The following LPP variants were observed in gnomAD, a reference collection of about 807,000 sequenced individuals.
LPP encodes lipoma-preferred partner.
A neutral mutation model predicts 60.4 loss-of-function variants in LPP; 38 were observed. The ratio of observed to expected loss-of-function variants is 0.63; its 90% CI spans 0.49 to 0.83. LPP has a LOEUF of 0.83. LPP is among the 40% of genes least tolerant of loss of function. The probability of loss-of-function intolerance (pLI) is 0.00; values close to 1 mark genes in which losing one functional copy is unlikely to be tolerated. For missense variants in LPP, 902 were observed against 783.6 expected, an observed-to-expected ratio of 1.15 and a Z score of -1.80; for synonymous variants, 328 against 290.8, an observed-to-expected ratio of 1.13 and a Z score of -1.30.
rs375725922 is a variant in LPP, at chr3:188,239,156, C to T, written c.-67+13629C>T. 2.7e-4 allele frequency among the ~76,000 whole-genome samples: 41 copies of T among 152,354 alleles called. No individual in the cohort carries two copies. In the South Asian group the frequency reaches 8.5e-3, roughly 32 times the overall value. On this transcript the variant is annotated intron_variant, in intron 2 of 11. Coordinates refer to ENST00000617246, the MANE Select transcript of LPP (RefSeq NM_001375462.1). The stretch of plus-strand genomic sequence containing the variant: ...GTTGCCGTGGGGTTTCCCTCCATGG[C>T]AGAGGGCTCTCCACTCCGTTTCTCT...
At chr3:188,357,756 A>G (rs1768036957) in intron 3 of LPP, among the ~76,000 whole-genome samples, 1 of 152,218 alleles carries the variant, frequency 6.6e-6, no homozygotes, top group Non-Finnish European at 1.5e-5. Context: ...ATAGAATAGT[A>G]TAATAAATCA....
chr3:188,757,889 G>GTTTTTTTTTTTTTTTTTTTT (rs750488243), intron 8 of LPP, among the ~76,000 whole-genome samples: 22 of 78,710 alleles, frequency 2.8e-4, no homozygotes, highest in African/African-American at 7.2e-4. Flanking sequence ...TGTTTTTTTG[G>GTTTTTTTTTTTTTTTTTTTT]TTTTTTTTTT....
chr3:188,225,710 A>G (rs1717491597), intron 2 of LPP, among the ~76,000 whole-genome samples, 183 bp downstream of exon 2: 1 of 152,226 alleles, frequency 6.6e-6, no homozygotes, highest in Non-Finnish European at 1.5e-5. Flanking sequence ...GGCAATAGAC[A>G]ATATATAACC....
chr3:188,389,203 G>A (rs1003916270), intron 3 of LPP, among the ~76,000 whole-genome samples: 1 of 151,956 alleles, frequency 6.6e-6, no homozygotes, highest in East Asian at 1.9e-4. Context: ...ATTATAGGTA[G>A]AGTTAATTTA....
intron 7 of LPP, among the ~76,000 whole-genome samples, chr3:188,628,236 A>C (rs1046556342): frequency 6.6e-6 from 1 of 152,146 alleles, no homozygotes; most frequent in Non-Finnish European, 1.5e-5. Flanking sequence ...AGAAGAAAAT[A>C]AATAGTTAAA....
chr3:188,482,085 A>G (rs1465060578), intron 4 of LPP, among the ~76,000 whole-genome samples: 3 of 152,080 alleles, frequency 2.0e-5, no homozygotes, highest in East Asian at 1.9e-4. Flanking sequence ...TTAAACTTAT[A>G]TGGCAGTTCC....
chr3:188,278,704 A>C (rs1245129807), intron 2 of LPP, among the ~76,000 whole-genome samples: 1 of 152,030 alleles, frequency 6.6e-6, no homozygotes, highest in Non-Finnish European at 1.5e-5. Flanking sequence ...ATTATAATAC[A>C]ATACGTTATA....
chr3:188,310,643 A>T (rs1383248240), intron 2 of LPP, among the ~76,000 whole-genome samples: 1 of 152,180 alleles, frequency 6.6e-6, no homozygotes, highest in Non-Finnish European at 1.5e-5. Context: ...ACTGTGAAAT[A>T]TGTGAGTTGA....
intron 1 of LPP, among the ~76,000 whole-genome samples, chr3:188,224,925 A>G (rs965657236): frequency 6.6e-6 from 1 of 152,104 alleles, no homozygotes; most frequent in Non-Finnish European, 1.5e-5. Flanking sequence ...TCCAAATGAT[A>G]TCAAGGACGG....
At chr3:188,265,146 A>C (rs1400736176) in intron 2 of LPP, among the ~76,000 whole-genome samples, 2 of 152,202 alleles carry the variant, frequency 1.3e-5, no homozygotes, top group Non-Finnish European at 2.9e-5. Context: ...GTTTAGCACG[A>C]ATTAAATTCC....
At chr3:188,171,405 C>T (rs1210581192) in intron 1 of LPP, among the ~76,000 whole-genome samples, 1 of 152,130 alleles carries the variant, frequency 6.6e-6, no homozygotes, top group Admixed American at 6.6e-5. Context: ...TTGTCTACAC[C>T]CTCAATGCTG....
At chr3:188,623,383 G>A (rs1846187278) in intron 7 of LPP, among the ~76,000 whole-genome samples, 1 of 151,430 alleles carries the variant, frequency 6.6e-6, no homozygotes, top group Admixed American at 6.6e-5. Context: ...TCAGCCTCCA[G>A]AGTAGGTGGG....
At chr3:188,548,167 G>T (rs1452165886) in intron 6 of LPP, among the ~76,000 whole-genome samples, 1 of 152,180 alleles carries the variant, frequency 6.6e-6, no homozygotes, top group African/African-American at 2.4e-5. Flanking sequence ...TGGTGAAGGC[G>T]ATATGGTGTG....
intron 8 of LPP, among the ~76,000 whole-genome samples, chr3:188,752,044 G>C (rs950872643): frequency 1.3e-5 from 2 of 152,152 alleles, no homozygotes; most frequent in African/African-American, 4.8e-5. Context: ...TTCTGTTCTA[G>C]TTGTTATGAG....
At chr3:188,828,198 A>G (rs1359419047) in intron 9 of LPP, among the ~76,000 whole-genome samples, 1 of 152,146 alleles carries the variant, frequency 6.6e-6, no homozygotes, top group Non-Finnish European at 1.5e-5. Context: ...CAAATTATAT[A>G]GAATATTGGA....
chr3:188,527,162 C>T (rs1369438561), intron 6 of LPP, among the ~76,000 whole-genome samples: 1 of 151,860 alleles, frequency 6.6e-6, no homozygotes, highest in Non-Finnish European at 1.5e-5. Context: ...CCAGCCTGGC[C>T]AACATGGTGA....
chr3:188,825,911 T>C (rs746894479), intron 9 of LPP, among the ~76,000 whole-genome samples: 3 of 152,104 alleles, frequency 2.0e-5, no homozygotes, highest in Non-Finnish European at 4.4e-5. Context: ...CGTTTTTTTC[T>C]CCGTGTGCCA....
chr3:188,845,426 G>A (rs189221673), intron 9 of LPP, among the ~76,000 whole-genome samples: 18 of 152,310 alleles, frequency 1.2e-4, no homozygotes, highest in Admixed American at 1.2e-3. Context: ...GGGCTTGAGG[G>A]AGGATTACTG....
intron 4 of LPP, among the ~76,000 whole-genome samples, chr3:188,466,841 A>ATATATATAT (rs1560442091): frequency 2.9e-5 from 4 of 138,180 alleles, no homozygotes; most frequent in East Asian, 2.1e-4. Context: ...ATATATATAT[A>ATATATATAT]TGCTGTGTAA....
Sources: allele counts gnomAD v4.1 joint callset (sites outside exome capture counted in the v4.1 genomes callset), GRCh38; gene constraint gnomAD v4.1.1; transcripts MANE v1.5; gene names NCBI Gene and HGNC (gene_info 2026-07-23, HGNC 2026-07-21).